MPPED2: variants seen among roughly 807,000 people sequenced by gnomAD.
MPPED2 encodes metallophosphoesterase MPPED2.
MPPED2 carries 5 observed loss-of-function variants against 33.0 expected under a neutral mutation model. That is an observed-to-expected ratio of 0.15 (90% confidence interval 0.08 to 0.32). The LOEUF is 0.32. Among genes scored for constraint, MPPED2 ranks in the 10% least tolerant of loss-of-function variants. The pLI is 1.00. For missense variants in MPPED2, 275 were observed against 372.1 expected, an observed-to-expected ratio of 0.74 and a Z score of 2.15; for synonymous variants, 136 against 141.9, an observed-to-expected ratio of 0.96 and a Z score of 0.29.
At chr11:30,440,911 G>T (rs778892018) in intron 4 of MPPED2, among the ~76,000 whole-genome samples, 1 of 152,140 alleles carries the variant, frequency 6.6e-6, no homozygotes, top group Non-Finnish European at 1.5e-5. Context: ...TAATATGTCT[G>T]GGCTTAAAAA....
chr11:30,448,045 G>T (rs1348022047), intron 4 of MPPED2, among the ~76,000 whole-genome samples: 1 of 152,156 alleles, frequency 6.6e-6, no homozygotes, highest in African/African-American at 2.4e-5. Flanking sequence ...AGAAGCCCTG[G>T]CTTAAGATGA....
chr11:30,391,369 G>A (rs746444251), intron 6 of MPPED2, among the ~76,000 whole-genome samples: 1 of 152,150 alleles, frequency 6.6e-6, no homozygotes, highest in Non-Finnish European at 1.5e-5. Context: ...CAGCCCTCAG[G>A]TTCCTCATTG....
chr11:30,449,654 A>T (rs938857194), intron 4 of MPPED2, among the ~76,000 whole-genome samples: 7 of 152,188 alleles, frequency 4.6e-5, no homozygotes, highest in African/African-American at 1.7e-4. Flanking sequence ...AAAAAAAGAA[A>T]GAATCAGCAG....
At chr11:30,467,859 T>C (rs144664867) in intron 4 of MPPED2, among the ~76,000 whole-genome samples, 166 of 152,202 alleles carry the variant, frequency 1.1e-3, no homozygotes, top group African/African-American at 3.7e-3. Flanking sequence ...TGTGGAACTG[T>C]TGGGGGTAGG....
At position 30,411,252 on chromosome 11, in the gene MPPED2, T is replaced by G. The variant is rs1565040092; in HGVS notation, c.*216A>C. On this transcript the variant is annotated 3_prime_UTR_variant, in exon 7 of 7. Coordinates refer to ENST00000358117, the MANE Select transcript of MPPED2 (RefSeq NM_001584.3). ...GGCATGGCCTTTGAGAAAACAGAAG[T>G]CATTTTACAAATTCACAATGTTCCT... 4.2e-6 allele frequency: 5 copies of G among 1,189,244 alleles called. No individual in the cohort carries two copies. The highest frequency in any genetic ancestry group is 5.2e-6 in the Non-Finnish European group (5 of 957,318). 73.7% of individuals were successfully genotyped at this position (1,189,244 alleles called of 1,614,324 possible).
downstream of MPPED2, among the ~76,000 whole-genome samples, chr11:30,407,353 C>A (rs527958089): frequency 2.0e-3 from 301 of 152,300 alleles, no homozygotes; most frequent in African/African-American, 6.9e-3. Flanking sequence ...TTCTAAGCAA[C>A]TTGAAAGAGG....
intron 4 of MPPED2, among the ~76,000 whole-genome samples, chr11:30,494,706 C>A (rs537669546): frequency 8.4e-6 from 1 of 118,634 alleles, no homozygotes; most frequent in African/African-American, 3.3e-5. Flanking sequence ...CCACTGCATT[C>A]CAGCCTGGGC....
intron 4 of MPPED2, among the ~76,000 whole-genome samples, chr11:30,460,494 G>A (rs1425892630): frequency 1.3e-5 from 2 of 152,002 alleles, no homozygotes; most frequent in South Asian, 2.1e-4. Flanking sequence ...GAATGGTGGT[G>A]CACCTGTAGT....
At chr11:30,507,945 T>C (rs1482912283) in intron 3 of MPPED2, among the ~76,000 whole-genome samples, 1 of 152,156 alleles carries the variant, frequency 6.6e-6, no homozygotes, top group Non-Finnish European at 1.5e-5. Context: ...AGAAGCAGAA[T>C]TGGAGGTCTA....
At chr11:30,497,223 G>C (rs1356599860) in intron 3 of MPPED2, among the ~76,000 whole-genome samples, 1 of 152,162 alleles carries the variant, frequency 6.6e-6, no homozygotes, top group African/African-American at 2.4e-5. Flanking sequence ...TAGAATGGTG[G>C]TATCTTGCAC....
chr11:30,467,998 G>T (rs559242708), intron 4 of MPPED2, among the ~76,000 whole-genome samples: 78 of 81,656 alleles, frequency 9.6e-4, no homozygotes, highest in Non-Finnish European at 1.4e-3. Context: ...ACATCCTACA[G>T]CTCTCCCCAG....
At chr11:30,501,116 C>A (rs1952539940) in intron 3 of MPPED2, among the ~76,000 whole-genome samples, 1 of 152,148 alleles carries the variant, frequency 6.6e-6, no homozygotes, top group Non-Finnish European at 1.5e-5. Flanking sequence ...TGCATATAAA[C>A]AACCTGCACA....
intron 4 of MPPED2, among the ~76,000 whole-genome samples, chr11:30,481,892 C>CAGGCAA (rs1157092898): frequency 1.3e-5 from 2 of 152,132 alleles, no homozygotes; most frequent in African/African-American, 4.8e-5. Context: ...GCATTTCAGC[C>CAGGCAA]AGGCAAACCA....
chr11:30,494,651 T>C (rs1177119649), intron 4 of MPPED2, among the ~76,000 whole-genome samples: 1 of 145,174 alleles, frequency 6.9e-6, no homozygotes, highest in Non-Finnish European at 1.5e-5. Context: ...GGCAGGAGAA[T>C]TGCTCGAACC....
At chr11:30,424,695 T>G (rs911120505) in intron 4 of MPPED2, among the ~76,000 whole-genome samples, 2 of 152,124 alleles carry the variant, frequency 1.3e-5, no homozygotes, top group African/African-American at 4.8e-5. Flanking sequence ...TCGTTTTCCC[T>G]TCTTAGCTCT....
chr11:30,490,106 A>T (rs1310138082), intron 4 of MPPED2, among the ~76,000 whole-genome samples: 1 of 152,156 alleles, frequency 6.6e-6, no homozygotes, highest in African/African-American at 2.4e-5. Flanking sequence ...AGGGGCTAGT[A>T]TTTGACAGAT....
At chr11:30,504,143 C>T (rs1952701355) in intron 3 of MPPED2, among the ~76,000 whole-genome samples, 1 of 152,044 alleles carries the variant, frequency 6.6e-6, no homozygotes, top group Admixed American at 6.6e-5. Flanking sequence ...CTTTGTTTCA[C>T]CCAAGGCACA....
At chr11:30,543,180 G>A (rs1016426347) in intron 2 of MPPED2, among the ~76,000 whole-genome samples, 3 of 152,130 alleles carry the variant, frequency 2.0e-5, no homozygotes, top group Non-Finnish European at 4.4e-5. Context: ...TTAAAATGCT[G>A]ATAAAGATAT....
chr11:30,410,960 G>A lies in MPPED2; in HGVS notation c.*508C>T. On this transcript the variant is annotated 3_prime_UTR_variant, in exon 7 of 7. Transcript: ENST00000358117. ...GAGTATGAAAAGAAGTCTTTTCCAT[G>A]CCTACTTCTGTTGAGAAGATTGCTA... The A allele has an allele frequency of 1.0e-6, 1 of 985,712 alleles. No individual in the cohort carries two copies. Among genetic ancestry groups the A allele is most frequent in the Non-Finnish European group, 1.2e-6 (1 of 829,928 alleles). The allele number at this position is 985,712 out of a possible 1,614,324, so 61.1% of individuals were successfully genotyped here. A position where few individuals can be genotyped will look rare whatever the true frequency, so the allele number is the denominator to read the frequency against.
Sources: allele counts gnomAD v4.1 joint callset (sites outside exome capture counted in the v4.1 genomes callset), GRCh38; gene constraint gnomAD v4.1.1; transcripts MANE v1.5; gene names NCBI Gene and HGNC (gene_info 2026-07-23, HGNC 2026-07-21).